The following ABCB9 variants were observed in gnomAD, a reference collection of about 807,000 sequenced individuals.
ABCB9 encodes ATP binding cassette subfamily B member 9, also known as ABC-type oligopeptide transporter ABCB9.
ABCB9 carries 36 observed loss-of-function variants against 62.0 expected under a neutral mutation model. The observed-to-expected ratio is 0.58, with a 90% CI of 0.45 to 0.77. The LOEUF (loss-of-function observed/expected upper bound fraction) is 0.77, where lower values mean the gene tolerates loss of function less well. Among genes scored for constraint, ABCB9 ranks in the 30% least tolerant of loss-of-function variants. The pLI is 0.00. For missense variants in ABCB9, 943 were observed against 1,054.7 expected, an observed-to-expected ratio of 0.89 and a Z score of 1.47; for synonymous variants, 435 against 461.4, an observed-to-expected ratio of 0.94 and a Z score of 0.73.
At chr12:122,965,661 G>A (rs753696034) in intron 1 of ABCB9, among the ~76,000 whole-genome samples, 1 of 152,230 alleles carries the variant, frequency 6.6e-6, no homozygotes, top group African/African-American at 2.4e-5. Context: ...AAGGGGAATG[G>A]GCAGAGGCGG....
At chr12:122,921,647 C>T (rs1185136896) in intron 11 of ABCB9, among the ~76,000 whole-genome samples, 3 of 152,150 alleles carry the variant, frequency 2.0e-5, no homozygotes, top group Non-Finnish European at 4.4e-5. Context: ...TGTGGTGGCA[C>T]ATGCCTGTAA....
exon 1 of ABCB9, chr12:122,974,989 C>T (rs1172923511): frequency 8.6e-6 from 3 of 349,778 alleles, no homozygotes; most frequent in African/African-American, 6.3e-5. Flanking sequence ...AAGGCACGAC[C>T]CAGTTCAGCT....
chr12:122,975,031 C>A, exon 1 of ABCB9: 1 of 456,482 alleles, frequency 2.2e-6, no homozygotes, highest in Non-Finnish European at 4.0e-6. Flanking sequence ...GTCCCTGCCT[C>A]GTAGTGGGAA....
chr12:122,948,483 C>T lies in ABCB9; in HGVS notation c.1053+141G>A, dbSNP rs934121118. On this transcript the variant is annotated intron_variant, in intron 5 of 11. Coordinates refer to ENST00000280560, the MANE Select transcript of ABCB9 (RefSeq NM_019625.4). ...GGTCAATAATTATTTATTGAATGAG[C>T]GAAGAAATGAATGAATGAATGCAAA... is the stretch of plus-strand genomic sequence containing the variant. 30 of 760,860 alleles carry T rather than the reference C, an allele frequency of 3.9e-5. No individual in the cohort carries two copies. The Admixed American group carries it at 4.0e-4, about 10-fold the overall frequency. 47.1% of individuals were successfully genotyped at this position (760,860 alleles called of 1,614,324 possible). A position where few individuals can be genotyped will look rare whatever the true frequency, so the allele number is the denominator to read the frequency against.
chr12:122,974,042 G>A (rs892651657), intron 1 of ABCB9, among the ~76,000 whole-genome samples: 3 of 151,660 alleles, frequency 2.0e-5, no homozygotes, highest in African/African-American at 7.3e-5. Context: ...ATCTCAAAAA[G>A]TAAATAAACA....
At chr12:122,919,212 T>A (rs1374498481), downstream of ABCB9, among the ~76,000 whole-genome samples, 1 of 152,090 alleles carries the variant, frequency 6.6e-6, no homozygotes, top group Non-Finnish European at 1.5e-5. Flanking sequence ...CACTCTGTCA[T>A]CCAGGCTGGA....
chr12:122,936,371 G>A (rs2035462310), intron 9 of ABCB9, among the ~76,000 whole-genome samples: 1 of 152,142 alleles, frequency 6.6e-6, no homozygotes, highest in South Asian at 2.1e-4. Context: ...AAGGTGGAGG[G>A]GAACATTCAT....
chr12:122,920,090 A>C (rs909507542), downstream of ABCB9, among the ~76,000 whole-genome samples: 2 of 151,944 alleles, frequency 1.3e-5, no homozygotes, highest in Non-Finnish European at 2.9e-5. Context: ...CATGTTGGCC[A>C]GGCTGGTCTC....
chr12:122,957,843 T>C (rs546959416), intron 2 of ABCB9, among the ~76,000 whole-genome samples: 54 of 151,164 alleles, frequency 3.6e-4, no homozygotes, highest in African/African-American at 1.2e-3. Flanking sequence ...TACAGATCCA[T>C]CCACATTCAT....
chr12:122,928,419 A>C (rs1392464738), downstream of ABCB9, among the ~76,000 whole-genome samples: 4 of 151,714 alleles, frequency 2.6e-5, no homozygotes, highest in Non-Finnish European at 5.9e-5. Context: ...TAGTAAGCCA[A>C]GATTGTGCCA....
At chr12:122,927,848 A>C (rs1342505464), downstream of ABCB9, among the ~76,000 whole-genome samples, 1 of 152,236 alleles carries the variant, frequency 6.6e-6, no homozygotes, top group East Asian at 1.9e-4. Flanking sequence ...GAGCCAATAC[A>C]TAAAAAACAG....
In ABCB9 at chr12:122,965,210, G is replaced by A. The variant is rs554931493; in HGVS notation, c.-88+1077C>T. On this transcript the variant is annotated intron_variant, in intron 1 of 11. Transcript: ENST00000280560. ...AAGGACGAAGGCAGGATGGAGACCC[G>A]CATCCAGGGTCTCCAGGATGGAGAC... Among the ~76,000 whole-genome samples the A allele has an allele frequency of 4.6e-5, 7 of 152,216 alleles. No individual in the cohort carries two copies. The South Asian group carries it at 1.2e-3, about 27-fold the overall frequency.
chr12:122,928,043 G>C (rs530715624), downstream of ABCB9, among the ~76,000 whole-genome samples: 1 of 152,220 alleles, frequency 6.6e-6, no homozygotes, highest in Middle Eastern at 3.4e-3. Flanking sequence ...AGCTTCCCTT[G>C]TCAAACCCCT....
In ABCB9 at chr12:122,932,521, A is replaced by G. The variant is rs1032590318; in HGVS notation, c.1904-193T>C. ...TTAAGCCTACATGCAAATTGATAGC[A>G]AGTTACCAATTTTCACTCATTCATT... On this transcript the variant is annotated intron_variant, in intron 10 of 11. Transcript: ENST00000280560. The surrounding 1 kb of genome is among the most constrained non-coding windows in gnomAD (Gnocchi z 4.7). Among the ~76,000 whole-genome samples, 1 of 152,202 alleles carries G rather than the reference A, an allele frequency of 6.6e-6. No homozygotes were observed. The highest frequency in any genetic ancestry group is 1.5e-5 in the Non-Finnish European group (1 of 68,040).
At chr12:122,942,208 G>A (rs918433762) in intron 7 of ABCB9, among the ~76,000 whole-genome samples, 1 of 152,072 alleles carries the variant, frequency 6.6e-6, no homozygotes, top group Non-Finnish European at 1.5e-5. Context: ...GGTGCTGAAT[G>A]TCCTCATTGG....
rs3896872 is a variant in ABCB9 at position 122,929,231 on chromosome 12, C to A, written c.*680G>T. 21,981 of 985,978 alleles carry A rather than the reference C, an allele frequency of 0.022. 3,594 individuals are homozygous for A. In the African/African-American group the frequency reaches 0.35, roughly 16 times the overall value. The allele number at this position is 985,978 out of a possible 1,614,324, so 61.1% of individuals were successfully genotyped here. A position where few individuals can be genotyped will look rare whatever the true frequency, so the allele number is the denominator to read the frequency against. Reference sequence around the variant, plus strand: ...AGCGCTGGGTGCCGGGCTGGGGGCACCCCTGAGGCCCCTCCAGACCTGGCC... The same window carrying A: ...AGCGCTGGGTGCCGGGCTGGGGGCAACCCTGAGGCCCCTCCAGACCTGGCC... On this transcript the variant is annotated 3_prime_UTR_variant, in exon 12 of 12. Transcript: ENST00000280560. The surrounding 1 kb of genome is among the most constrained non-coding windows in gnomAD (Gnocchi z 6.0).
At chr12:122,923,512 ATCTCCTGACC>A (rs1455646495) in intron 11 of ABCB9, among the ~76,000 whole-genome samples, 3 of 151,920 alleles carry the variant, frequency 2.0e-5, no homozygotes, top group African/African-American at 7.3e-5. Flanking sequence ...GATGGTCTCC[ATCTCCTGACC>A]TCGTGATCCG....
chr12:122,970,348 A>G (rs2037256257), upstream of ABCB9, among the ~76,000 whole-genome samples: 3 of 152,122 alleles, frequency 2.0e-5, no homozygotes, highest in Admixed American at 6.6e-5. Context: ...CCTAGGCTCC[A>G]GTGACTCTCC....
intron 11 of ABCB9, chr12:122,931,972 T>C: frequency 2.7e-6 from 2 of 747,642 alleles, no homozygotes; most frequent in South Asian, 3.7e-5. Flanking sequence ...TGCCTTCTCT[T>C]GCCCCACACC....
Sources: gnomAD v4.1 joint callset for allele counts (sites outside exome capture counted in the v4.1 genomes callset) on GRCh38, gnomAD v4.1.1 for gene constraint, Gnocchi (gnomAD v3.1) non-coding constraint, MANE v1.5 for transcripts, NCBI Gene and HGNC (gene_info 2026-07-23, HGNC 2026-07-21) for gene names.